Variants in EBF2 observed in about 807,000 individuals in gnomAD.
EBF2 encodes transcription factor COE2.
A neutral mutation model predicts 72.8 loss-of-function variants in EBF2; 21 were observed. That is an observed-to-expected ratio of 0.29 (90% CI 0.20 to 0.42). EBF2 has a LOEUF of 0.42. Among genes scored for constraint, EBF2 ranks in the 10% least tolerant of loss-of-function variants. The pLI is 1.00. For synonymous variants in EBF2, 299 were observed against 274.2 expected, an observed-to-expected ratio of 1.09 and a Z score of -0.89; for missense variants, 637 against 731.2, an observed-to-expected ratio of 0.87 and a Z score of 1.49.
intron 6 of EBF2, among the ~76,000 whole-genome samples, chr8:25,971,192 C>T (rs1804183969): frequency 6.6e-6 from 1 of 152,140 alleles, no homozygotes; most frequent in Admixed American, 6.5e-5. Flanking sequence ...GTGGACCTTC[C>T]AACACACCTG....
chr8:25,852,343 AT>A (rs1262464549), intron 14 of EBF2, among the ~76,000 whole-genome samples: 1 of 149,946 alleles, frequency 6.7e-6, no homozygotes, highest in East Asian at 1.9e-4. Context: ...CCAACTTTTC[AT>A]TTTCTCTACG....
At chr8:25,946,763 C>G (rs1456747560) in intron 6 of EBF2, among the ~76,000 whole-genome samples, 6 of 152,198 alleles carry the variant, frequency 3.9e-5, no homozygotes, top group Non-Finnish European at 2.9e-5. Context: ...GTCTCAACCC[C>G]TGCTGCTACT....
chr8:26,036,269 A>G (rs1317247240), intron 5 of EBF2, among the ~76,000 whole-genome samples: 1 of 152,228 alleles, frequency 6.6e-6, no homozygotes, highest in African/African-American at 2.4e-5. Flanking sequence ...GCCTGGTGCC[A>G]GTGTAGTATA....
intron 5 of EBF2, among the ~76,000 whole-genome samples, chr8:26,038,749 G>T (rs1235400080): frequency 1.3e-5 from 2 of 152,146 alleles, no homozygotes; most frequent in Non-Finnish European, 1.5e-5. Flanking sequence ...ACTCCAGCAA[G>T]GAAGCCTCCA....
intron 6 of EBF2, among the ~76,000 whole-genome samples, chr8:26,018,963 A>G (rs987310785): frequency 6.7e-6 from 1 of 149,404 alleles, no homozygotes; most frequent in African/African-American, 2.5e-5. Flanking sequence ...AAGGCAAAGA[A>G]CCCCCAAACA....
chr8:25,857,080 A>G (rs1802109641), intron 14 of EBF2, among the ~76,000 whole-genome samples: 1 of 152,096 alleles, frequency 6.6e-6, no homozygotes, highest in South Asian at 2.1e-4. Context: ...TCTACCTACT[A>G]TGGGGTAGAA....
At chr8:26,005,519 A>ATATAATATATATTATAAAT in intron 6 of EBF2, among the ~76,000 whole-genome samples, 1 of 77,574 alleles carries the variant, frequency 1.3e-5, no homozygotes, top group South Asian at 4.3e-4. Flanking sequence ...ATATTATAAA[A>ATATAATATATATTATAAAT]TATATTATAT....
intron 14 of EBF2, chr8:25,857,936 A>T (rs1373779201): frequency 2.8e-6 from 1 of 360,434 alleles, no homozygotes; most frequent in Non-Finnish European, 5.4e-6. Context: ...TGTCTATAAC[A>T]TGAAGAAAAA....
intron 6 of EBF2, among the ~76,000 whole-genome samples, chr8:25,974,432 T>C (rs971906386): frequency 6.6e-6 from 1 of 152,232 alleles, no homozygotes; most frequent in Non-Finnish European, 1.5e-5. Context: ...AAACAATTGC[T>C]GGAGAAGTAT....
At chr8:26,015,746 T>C (rs1371166469) in intron 6 of EBF2, among the ~76,000 whole-genome samples, 2 of 152,246 alleles carry the variant, frequency 1.3e-5, no homozygotes, top group African/African-American at 4.8e-5. Context: ...TCCTGGTGAC[T>C]TGGTCAAGCC....
chr8:25,958,162 C>G (rs771786733), intron 6 of EBF2, among the ~76,000 whole-genome samples: 22 of 152,194 alleles, frequency 1.4e-4, no homozygotes, highest in Non-Finnish European at 2.6e-4. Flanking sequence ...GCTGCAGTTC[C>G]TGAGCAGATT....
chr8:25,848,763 C>T (rs1228204762), intron 15 of EBF2, among the ~76,000 whole-genome samples: 3 of 152,130 alleles, frequency 2.0e-5, no homozygotes, highest in African/African-American at 4.8e-5. Context: ...GTCTGCCTCC[C>T]GTCCAATGCA....
chr8:25,929,080 A>G (rs749254729), intron 6 of EBF2, among the ~76,000 whole-genome samples: 5 of 152,248 alleles, frequency 3.3e-5, no homozygotes, highest in Non-Finnish European at 5.9e-5. Context: ...ATGGAAAGTA[A>G]TATTACAACT....
chr8:25,969,110 C>T lies in EBF2; in HGVS notation c.552-60555G>A, dbSNP rs568330901. 9.5e-4 allele frequency among the ~76,000 whole-genome samples: 145 copies of T among 152,252 alleles called. 1 individual carries two copies. Among genetic ancestry groups the T allele is most frequent in the Non-Finnish European group, 1.8e-3 (123 of 68,028 alleles). ...ATTAATGGTAATTGATCTCTGGATT[C>T]TCTCCCCCATATTGGAGACACCTTT... On this transcript the variant is annotated intron_variant, in intron 6 of 15. Transcript: ENST00000520164.
intron 4 of EBF2, 116 bp from the exon 5 acceptor site, chr8:26,040,217 T>G: frequency 1.8e-6 from 2 of 1,111,338 alleles, no homozygotes; most frequent in Non-Finnish European, 2.7e-6. Context: ...GCCACCGCAT[T>G]AGGAATTCCC....
chr8:25,935,442 G>C (rs991541361), intron 6 of EBF2, among the ~76,000 whole-genome samples: 2 of 152,198 alleles, frequency 1.3e-5, no homozygotes, highest in African/African-American at 4.8e-5. Flanking sequence ...TGGAATGCCA[G>C]CGGCAGTGGC....
intron 6 of EBF2, among the ~76,000 whole-genome samples, chr8:25,937,082 G>A (rs1039928367): frequency 1.3e-5 from 2 of 152,234 alleles, no homozygotes; most frequent in Non-Finnish European, 2.9e-5. Context: ...TGAGATGTAA[G>A]AGAACACATT....
chr8:25,951,074 CCTT>C (rs1266060634), intron 6 of EBF2, among the ~76,000 whole-genome samples: 4 of 152,130 alleles, frequency 2.6e-5, no homozygotes, highest in African/African-American at 9.7e-5. Context: ...CTTCCCTAAT[CCTT>C]CTGATTTGAA....
chr8:25,847,381 G>C (rs4620293), intron 15 of EBF2, among the ~76,000 whole-genome samples: 42,497 of 151,994 alleles, frequency 0.28, 6,144 homozygotes, highest in South Asian at 0.4. Context: ...TGTTTGTTTT[G>C]TTCAGTGACT....
Sources: allele counts gnomAD v4.1 joint callset (sites outside exome capture counted in the v4.1 genomes callset), GRCh38; gene constraint gnomAD v4.1.1; transcripts MANE v1.5; gene names NCBI Gene and HGNC (gene_info 2026-07-23, HGNC 2026-07-21).